The following GTF2IRD2B variants were observed in gnomAD, a reference collection of about 807,000 sequenced individuals.
GTF2IRD2B encodes the protein general transcription factor II-I repeat domain-containing protein 2B.
A neutral mutation model predicts 55.6 loss-of-function variants in GTF2IRD2B; 10 were observed. The observed-to-expected ratio is 0.18, with a 90% CI of 0.11 to 0.31. GTF2IRD2B has a LOEUF of 0.31. Ranked by LOEUF, GTF2IRD2B falls within the 10% of genes least tolerant of loss-of-function variation. The pLI is 1.00. For missense variants in GTF2IRD2B, 206 were observed against 802.7 expected, an observed-to-expected ratio of 0.26 and a Z score of 8.98; for synonymous variants, 107 against 320.5, an observed-to-expected ratio of 0.33 and a Z score of 7.12.
At chr7:75,093,541 A>G (rs1312286089) in intron 1 of GTF2IRD2B, among the ~76,000 whole-genome samples, 217 of 152,290 alleles carry the variant, frequency 1.4e-3, no homozygotes, top group East Asian at 5.8e-3. Context: ...CCCCAACCCC[A>G]TTAGGCCGTC....
chr7:75,102,869 G>T lies in GTF2IRD2B; in HGVS notation c.-5-6091G>T, dbSNP rs587761648. Among the ~76,000 whole-genome samples the T allele has an allele frequency of 2.6e-5, 4 of 151,972 alleles. No homozygotes were observed. In the East Asian group the frequency reaches 5.8e-4, roughly 22 times the overall value. On this transcript the variant is annotated intron_variant, in intron 1 of 15. Coordinates refer to ENST00000472837, the MANE Select transcript of GTF2IRD2B (RefSeq NM_001003795.3). ...AGCTACTTGGGAGGCTGAGGCAGAA[G>T]AACTGCTTGAACCCCAGAGGCAGGG...
chr7:75,147,432 C>G, intron 15 of GTF2IRD2B, among the ~76,000 whole-genome samples: 2 of 151,916 alleles, frequency 1.3e-5, no homozygotes, highest in Non-Finnish European at 2.9e-5. Context: ...AACTCCGTCT[C>G]AAAAACAACG....
At chr7:75,101,920 TA>T (rs1294362054) in intron 1 of GTF2IRD2B, among the ~76,000 whole-genome samples, 1 of 148,998 alleles carries the variant, frequency 6.7e-6, no homozygotes, top group African/African-American at 2.4e-5. Context: ...AAAAGAAAAT[TA>T]AAAAAAATAA....
chr7:75,093,026 C>T (rs1807307158), intron 1 of GTF2IRD2B, among the ~76,000 whole-genome samples: 2 of 152,420 alleles, frequency 1.3e-5, no homozygotes, highest in Middle Eastern at 3.4e-3. Context: ...GCACATCCCT[C>T]TCCTTCCTGA....
At chr7:75,137,256 A>AATGTGT (rs1317029505) in intron 11 of GTF2IRD2B, among the ~76,000 whole-genome samples, 3 of 151,156 alleles carry the variant, frequency 2.0e-5, no homozygotes, top group Admixed American at 6.6e-5. Flanking sequence ...AATGTAGTAT[A>AATGTGT]ATGTGTATAT....
At chr7:75,107,374 G>C (rs1807840888) in intron 1 of GTF2IRD2B, among the ~76,000 whole-genome samples, 3 of 151,518 alleles carry the variant, frequency 2.0e-5, no homozygotes, top group Non-Finnish European at 4.4e-5. Context: ...AGGAGATCGA[G>C]ACCATCCTGG....
chr7:75,137,246 A>G (rs1968061), intron 11 of GTF2IRD2B, among the ~76,000 whole-genome samples: 2 of 151,168 alleles, frequency 1.3e-5, no homozygotes, highest in Non-Finnish European at 3.0e-5. Context: ...TGAAATCTCT[A>G]ATGTAGTATA....
chr7:75,102,138 G>A (rs1324317992), intron 1 of GTF2IRD2B, among the ~76,000 whole-genome samples: 3 of 150,834 alleles, frequency 2.0e-5, no homozygotes, highest in African/African-American at 4.8e-5. Flanking sequence ...GAGTAGCTGG[G>A]ACTACAGGCG....
chr7:75,137,201 TA>T (rs71223479), intron 11 of GTF2IRD2B, among the ~76,000 whole-genome samples: 3,844 of 128,556 alleles, frequency 0.03, 39 homozygotes, highest in African/African-American at 0.061. Context: ...AGATTCCATC[TA>T]AAAAAAAAAA....
intron 1 of GTF2IRD2B, among the ~76,000 whole-genome samples, chr7:75,100,540 C>G (rs1807517722): frequency 6.6e-6 from 1 of 150,702 alleles, no homozygotes; most frequent in Non-Finnish European, 1.5e-5. Flanking sequence ...AATTCATCTT[C>G]CAGGCACTTG....
intron 8 of GTF2IRD2B, among the ~76,000 whole-genome samples, chr7:75,130,134 TTTC>T (rs1163899419): frequency 2.6e-4 from 24 of 90,762 alleles, no homozygotes; most frequent in Non-Finnish European, 2.5e-4. Context: ...TCTTTCTTTC[TTTC>T]TTTCTTTCTT....
intron 3 of GTF2IRD2B, among the ~76,000 whole-genome samples, chr7:75,116,573 A>T (rs1554451370): frequency 6.8e-6 from 1 of 146,586 alleles, no homozygotes; most frequent in African/African-American, 2.5e-5. Context: ...ACCTAGTTTA[A>T]TTGCTCGGCT....
At position 75,126,920 on chromosome 7, in the gene GTF2IRD2B, C is replaced by G. The variant is rs1428999244; in HGVS notation, c.670+535C>G. ...GCTGAGGCATAAGAATTGCTTGAGC[C>G]CGGGAGGTGGAGGTTGCAGTGAGCC... On this transcript the variant is annotated intron_variant, in intron 8 of 15. Coordinates refer to ENST00000472837, the MANE Select transcript of GTF2IRD2B (RefSeq NM_001003795.3). 4.0e-5 allele frequency among the ~76,000 whole-genome samples: 6 copies of G among 149,906 alleles called. 1 individual carries two copies. Among genetic ancestry groups the G allele is most frequent in the African/African-American group, 1.5e-4 (6 of 41,098 alleles).
At chr7:75,126,824 C>T (rs1174363886) in intron 8 of GTF2IRD2B, among the ~76,000 whole-genome samples, 1 of 150,544 alleles carries the variant, frequency 6.6e-6, no homozygotes, top group East Asian at 1.9e-4. Flanking sequence ...TAGTAAAACC[C>T]TGTCTCTACT....
chr7:75,101,799 C>T (rs1807569964), intron 1 of GTF2IRD2B, among the ~76,000 whole-genome samples: 1 of 134,308 alleles, frequency 7.4e-6, no homozygotes, highest in Non-Finnish European at 1.5e-5. Flanking sequence ...GAGGCTGAGG[C>T]AGGAGAATCG....
chr7:75,106,318 G>A (rs1383196913), intron 1 of GTF2IRD2B, among the ~76,000 whole-genome samples: 7 of 152,318 alleles, frequency 4.6e-5, no homozygotes, highest in Admixed American at 1.3e-4. Context: ...CAGGAGAATC[G>A]CTTGAACCCG....
chr7:75,099,842 G>C (rs145415517), intron 1 of GTF2IRD2B, among the ~76,000 whole-genome samples: 8 of 135,748 alleles, frequency 5.9e-5, no homozygotes, highest in Middle Eastern at 4.1e-3. Context: ...GCCAGGCGTG[G>C]TAGATCATGC....
intron 2 of GTF2IRD2B, among the ~76,000 whole-genome samples, chr7:75,110,880 G>GT (rs1328489359): frequency 1.4e-5 from 1 of 71,720 alleles, no homozygotes; most frequent in Non-Finnish European, 3.4e-5. Flanking sequence ...AGATCACAAG[G>GT]TCAGGAGTTC....
intron 1 of GTF2IRD2B, among the ~76,000 whole-genome samples, chr7:75,103,538 A>G (rs587647122): frequency 2.7e-5 from 4 of 150,010 alleles, no homozygotes; most frequent in South Asian, 4.2e-4. Context: ...TGAAGGGTGC[A>G]GGGAAGGCTC....
Sources: allele counts gnomAD v4.1 joint callset (sites outside exome capture counted in the v4.1 genomes callset), GRCh38; gene constraint gnomAD v4.1.1; transcripts MANE v1.5; gene names NCBI Gene and HGNC (gene_info 2026-07-23, HGNC 2026-07-21).